SH3D19: variants seen among roughly 807,000 people sequenced by gnomAD.
SH3D19 encodes the protein SH3 domain containing 19.
A neutral mutation model predicts 112.1 loss-of-function variants in SH3D19; 58 were observed. The ratio of observed to expected loss-of-function variants is 0.52; its 90% CI spans 0.42 to 0.64. The LOEUF (loss-of-function observed/expected upper bound fraction) is 0.64, where lower values mean the gene tolerates loss of function less well. Ranked by LOEUF, SH3D19 falls within the 30% of genes least tolerant of loss-of-function variation. The pLI, the probability that SH3D19 is intolerant of heterozygous loss-of-function variation, is 0.00. For missense variants in SH3D19, 1,090 were observed against 1,263.4 expected (o/e 0.86, Z 2.08); for synonymous variants, 391 against 448.5 (o/e 0.87, Z 1.62).
intron 2 of SH3D19, among the ~76,000 whole-genome samples, chr4:151,216,681 AG>A (rs1181953549): frequency 1.3e-5 from 2 of 152,178 alleles, no homozygotes. Context: ...GCTGTTCCAA[AG>A]TTAACTGCCT....
At chr4:151,283,217 A>C (rs982084323) in intron 1 of SH3D19, 3 of 1,613,892 alleles carry the variant, frequency 1.9e-6, no homozygotes, top group Non-Finnish European at 1.7e-6. Flanking sequence ...TCTTGCCAGC[A>C]CTGGAGCCAG....
chr4:151,306,597 A>G (rs1728936749), intron 1 of SH3D19, among the ~76,000 whole-genome samples: 1 of 152,254 alleles, frequency 6.6e-6, no homozygotes, highest in South Asian at 2.1e-4. Flanking sequence ...CATTAACTTC[A>G]TTAAACATTC....
At chr4:151,133,635 T>C (rs2149741576) in intron 15 of SH3D19, among the ~76,000 whole-genome samples, 1 of 152,210 alleles carries the variant, frequency 6.6e-6, no homozygotes, top group South Asian at 2.1e-4. Flanking sequence ...TTAATCAAAT[T>C]TTCTGACTAC....
intron 2 of SH3D19, among the ~76,000 whole-genome samples, chr4:151,190,075 T>A (rs1762393537): frequency 6.6e-6 from 1 of 152,218 alleles, no homozygotes. Flanking sequence ...ACTCTTGTTA[T>A]GTTTTAGCAA....
At chr4:151,318,483 A>G (rs1227944094) in intron 1 of SH3D19, among the ~76,000 whole-genome samples, 1 of 152,124 alleles carries the variant, frequency 6.6e-6, no homozygotes, top group Non-Finnish European at 1.5e-5. Context: ...AAGAAAAGCA[A>G]CTACATTTGA....
chr4:151,279,210 A>G, intron 1 of SH3D19: 1 of 250,958 alleles, frequency 4.0e-6, no homozygotes, highest in South Asian at 4.2e-5. Flanking sequence ...AAGAAGAGAA[A>G]GAGAAATGTG....
rs1173757001 is a variant in SH3D19, at chr4:151,226,033, C to G, written c.152+14G>C. On this transcript the variant is annotated intron_variant, in intron 2 of 19. Transcript: ENST00000604030. ...AAGCTTTATACAGAATTATTAGATA[C>G]TGTAAATTCATACCTTGAAGAACGA... is the stretch of plus-strand genomic sequence containing the variant. 2.4e-6 allele frequency: 3 copies of G among 1,229,144 alleles called. No individual in the cohort carries two copies. The highest frequency in any genetic ancestry group is 3.0e-6 in the Non-Finnish European group (3 of 985,290). The allele number at this position is 1,229,144 out of a possible 1,614,324, so 76.1% of individuals were successfully genotyped here.
chr4:151,274,212 A>G (rs1773423698), intron 1 of SH3D19, among the ~76,000 whole-genome samples: 1 of 152,256 alleles, frequency 6.6e-6, no homozygotes, highest in Admixed American at 6.5e-5. Context: ...ATGGTGTTGC[A>G]GTGTTTGCTT....
chr4:151,309,060 G>C (rs1729187920), intron 1 of SH3D19, among the ~76,000 whole-genome samples: 1 of 152,144 alleles, frequency 6.6e-6, no homozygotes, highest in Admixed American at 6.5e-5. Flanking sequence ...GTAGAGATGG[G>C]GTTTCGCCAT....
At chr4:151,299,956 C>G (rs1728203963) in intron 1 of SH3D19, among the ~76,000 whole-genome samples, 1 of 152,152 alleles carries the variant, frequency 6.6e-6, no homozygotes, top group African/African-American at 2.4e-5. Context: ...AATCCTAGCA[C>G]TTTGGGAGGC....
In SH3D19 at chr4:151,232,950, G is replaced by GT. The variant is rs574876764; in HGVS notation, c.113-6865dup. On this transcript the variant is annotated intron_variant, in intron 1 of 19. Transcript: ENST00000604030. ...TCCCCAACCCCTCTGCCATGGACCA[G>GT]TACCAGTCTATGGCCTGTTAGGAAC... is the stretch of plus-strand genomic sequence containing the variant. Among the ~76,000 whole-genome samples the GT allele has an allele frequency of 4.1e-4, 63 of 152,318 alleles. No homozygotes were observed. In the South Asian group the frequency reaches 0.013, roughly 32 times the overall value.
Position 151,314,942 on chromosome 4 carries a change from C to T in SH3D19, c.112+10299G>A, listed in dbSNP as rs77575447. Among the ~76,000 whole-genome samples the T allele has an allele frequency of 6.0e-3, 906 of 152,240 alleles. 6 individuals are homozygous for T. The highest frequency in any genetic ancestry group is 0.02 in the African/African-American group (819 of 41,552). ...AGGGTATTCTGTGCAGTTGAGTGAA[C>T]CCCCTTTAAAGAACTTTCCTGGCAA... On this transcript the variant is annotated intron_variant, in intron 1 of 19. Coordinates refer to ENST00000604030, the MANE Select transcript of SH3D19 (RefSeq NM_001378122.1).
At chr4:151,313,658 A>T (rs553596941) in intron 1 of SH3D19, among the ~76,000 whole-genome samples, 4 of 152,092 alleles carry the variant, frequency 2.6e-5, no homozygotes, top group Non-Finnish European at 5.9e-5. Flanking sequence ...CTACAATAAC[A>T]TTCCTTATTC....
intron 1 of SH3D19, chr4:151,277,303 C>T: frequency 1.7e-6 from 2 of 1,162,048 alleles, no homozygotes; most frequent in Non-Finnish European, 2.3e-6. Flanking sequence ...CAATGTGACA[C>T]TTCACCCATG....
intron 19 of SH3D19, among the ~76,000 whole-genome samples, chr4:151,125,211 G>A (rs559774872): frequency 2.3e-4 from 35 of 152,298 alleles, no homozygotes; most frequent in African/African-American, 7.9e-4. Context: ...ACTTATGCCT[G>A]TAACCCAGCT....
At chr4:151,150,472 C>A (rs940714845) in intron 9 of SH3D19, among the ~76,000 whole-genome samples, 12 of 151,602 alleles carry the variant, frequency 7.9e-5, no homozygotes, top group Admixed American at 7.3e-4. Context: ...CAGATCTTAT[C>A]TCATCACTGT....
chr4:151,311,765 G>A (rs2897606), intron 1 of SH3D19, among the ~76,000 whole-genome samples: 23,120 of 152,092 alleles, frequency 0.15, 1,875 homozygotes, highest in South Asian at 0.28. Flanking sequence ...ATTTGAGCCC[G>A]GGAGGTCAAG....
intron 4 of SH3D19, among the ~76,000 whole-genome samples, 190 bp from the exon 5 acceptor site, chr4:151,177,145 T>C (rs1169782288): frequency 6.6e-6 from 1 of 152,168 alleles, no homozygotes; most frequent in Non-Finnish European, 1.5e-5. Flanking sequence ...AGAGAGCAAA[T>C]GACAATCATC....
chr4:151,175,701 C>T (rs879152967), intron 6 of SH3D19, 27 bp from the exon 7 acceptor site: 1 of 1,236,514 alleles, frequency 8.1e-7, no homozygotes, highest in East Asian at 3.1e-5. Context: ...AAAACCAAAA[C>T]AAATAAAAAC....
Sources: gnomAD v4.1 joint callset for allele counts (sites outside exome capture counted in the v4.1 genomes callset) on GRCh38, gnomAD v4.1.1 for gene constraint, MANE v1.5 for transcripts, NCBI Gene and HGNC (gene_info 2026-07-23, HGNC 2026-07-21) for gene names.